CAPN7: variants seen among roughly 807,000 people sequenced by gnomAD.
CAPN7 encodes calpain-7.
CAPN7 carries 72 observed loss-of-function variants against 115.2 expected under a neutral mutation model. That is an observed-to-expected ratio of 0.63 (90% CI 0.52 to 0.76). The LOEUF is 0.76. Among genes scored for constraint, CAPN7 ranks in the 30% least tolerant of loss-of-function variants. CAPN7 has a pLI of 0.00. For synonymous variants in CAPN7, 344 were observed against 322.3 expected (o/e 1.07, Z -0.72); for missense variants, 905 against 971.5 (o/e 0.93, Z 0.91).
chr3:15,214,127 G>A lies in CAPN7; in HGVS notation c.211+1915G>A, dbSNP rs188736262. ...GATCTCCTGACCTCGTGATCCACCC[G>A]CCTCGGCCTCCCAAAGTGCTGGGAT... On this transcript the variant is annotated intron_variant, in intron 2 of 20. Coordinates refer to ENST00000253693, the MANE Select transcript of CAPN7 (RefSeq NM_014296.3). Among the ~76,000 whole-genome samples, 421 of 152,076 alleles carry A rather than the reference G, an allele frequency of 2.8e-3. 6 individuals are homozygous for A. The highest frequency in any genetic ancestry group is 9.6e-3 in the African/African-American group (399 of 41,514).
At chr3:15,228,894 C>CT in intron 7 of CAPN7, 80 bp from the exon 8 acceptor site, 1 of 1,027,838 alleles carries the variant, frequency 9.7e-7, no homozygotes. Context: ...AAAGTAGGTA[C>CT]TTGGGGCAAT....
chr3:15,224,349 T>C (rs1694181960), intron 6 of CAPN7, among the ~76,000 whole-genome samples: 2 of 151,854 alleles, frequency 1.3e-5, no homozygotes, highest in African/African-American at 4.8e-5. Flanking sequence ...CATGACTCAC[T>C]GCAGCCTTGA....
chr3:15,219,640 T>G (rs1044735942), intron 4 of CAPN7, among the ~76,000 whole-genome samples: 3 of 152,224 alleles, frequency 2.0e-5, no homozygotes, highest in African/African-American at 4.8e-5. Context: ...GAGGATCTTT[T>G]GAAACTTATG....
chr3:15,241,409 T>C, intron 14 of CAPN7, 44 bp from the exon 15 acceptor site: 1 of 1,586,772 alleles, frequency 6.3e-7, no homozygotes, highest in Non-Finnish European at 8.6e-7. Flanking sequence ...TTTAGCTCTA[T>C]GAGAAATTTA....
intron 6 of CAPN7, among the ~76,000 whole-genome samples, chr3:15,224,282 T>G (rs1459816089): frequency 2.6e-5 from 4 of 151,800 alleles, no homozygotes; most frequent in Non-Finnish European, 5.9e-5. Context: ...TTTTTTTTCT[T>G]TTTTTTTGAG....
chr3:15,217,246 T>TAA lies in CAPN7; in HGVS notation c.212-167_212-166dup, dbSNP rs557524108. Among the ~76,000 whole-genome samples the TAA allele has an allele frequency of 1.7e-3, 235 of 140,110 alleles. 1 individual carries two copies. Among genetic ancestry groups the TAA allele is most frequent in the African/African-American group, 5.4e-3 (206 of 37,910 alleles). 91.9% of individuals were successfully genotyped at this position (140,110 alleles called of 152,430 possible). A position where few individuals can be genotyped will look rare whatever the true frequency, so the allele number is the denominator to read the frequency against. ...CTGGGTAACAGAGCAAGAGCCTGTC[T>TAA]AAAAAAAAAAAAAGAAGGGAGGAAA... is the stretch of plus-strand genomic sequence containing the variant. On this transcript the variant is annotated intron_variant, in intron 2 of 20. Coordinates refer to ENST00000253693, the MANE Select transcript of CAPN7 (RefSeq NM_014296.3).
Position 15,206,341 on chromosome 3 carries a change from A to G in CAPN7, c.-155A>G. 1.8e-6 allele frequency: 1 copy of G among 564,356 alleles called. No homozygotes were observed. The highest frequency in any genetic ancestry group is 3.1e-6 in the Non-Finnish European group (1 of 325,402). 35.0% of individuals were successfully genotyped at this position (564,356 alleles called of 1,614,324 possible). A position where few individuals can be genotyped will look rare whatever the true frequency, so the allele number is the denominator to read the frequency against. On this transcript the variant is annotated 5_prime_UTR_variant, in exon 1 of 21. Coordinates refer to ENST00000253693, the MANE Select transcript of CAPN7 (RefSeq NM_014296.3). ...CTTCGCGGTGGACCCCAGCCCGGCA[A>G]CGGGAAGGCGAGCTCTCCTCCACCG...
At chr3:15,218,597 A>C (rs920270477) in intron 4 of CAPN7, 57 bp downstream of exon 4, 2 of 1,181,946 alleles carry the variant, frequency 1.7e-6, no homozygotes, top group Non-Finnish European at 2.5e-6. Flanking sequence ...TATTTAAACA[A>C]ATTTATCTAA....
At chr3:15,242,132 A>G (rs201844720) in intron 15 of CAPN7, 46 bp from the exon 16 acceptor site, 2 of 1,257,914 alleles carry the variant, frequency 1.6e-6, no homozygotes, top group Middle Eastern at 1.9e-4. Context: ...AATAAATAGC[A>G]TTTTGAACCC....
At chr3:15,241,702 A>AAACAC in intron 15 of CAPN7, 114 bp downstream of exon 15, 1 of 776,710 alleles carries the variant, frequency 1.3e-6, no homozygotes, top group Non-Finnish European at 2.0e-6. Flanking sequence ...TGCCCTGAGA[A>AAACAC]TAGTGTTTTC....
Position 15,240,535 on chromosome 3 carries a change from T to C in CAPN7, c.1470T>C (p.Ser490=). The part of the protein sequence containing the change: ...WSHLRWKGRY[S]ENDVKNWTPE... ...ATTTACGTTGGAAAGGAAGATACAG[T>C]GAAAATGATGTAAAAAACTGGACTC... Residue 490 remains serine (S), a synonymous_variant, in exon 13 of 21, where the codon AGT becomes AGC. Coordinates refer to ENST00000253693, the MANE Select transcript of CAPN7 (RefSeq NM_014296.3). 6.2e-7 allele frequency: 1 copy of C among 1,613,336 alleles called. No homozygotes were observed. Among genetic ancestry groups the C allele is most frequent in the African/African-American group, 1.3e-5 (1 of 74,992 alleles).
intron 2 of CAPN7, among the ~76,000 whole-genome samples, chr3:15,214,242 A>G (rs78160637): frequency 0.079 from 12,091 of 152,256 alleles, 621 homozygotes; most frequent in Non-Finnish European, 0.11. Context: ...CTTTTGTTGA[A>G]GAAATGGAGT....
chr3:15,223,830 T>G (rs1021590181), intron 6 of CAPN7, among the ~76,000 whole-genome samples: 16 of 152,160 alleles, frequency 1.1e-4, no homozygotes, highest in African/African-American at 3.9e-4. Context: ...TAAATATTTG[T>G]CCAAGCAGTG....
At chr3:15,227,789 G>A in intron 6 of CAPN7, 50 bp from the exon 7 acceptor site, 2 of 1,201,818 alleles carry the variant, frequency 1.7e-6, no homozygotes, top group Non-Finnish European at 2.2e-6. Context: ...TTGGCTTTGA[G>A]TCATCTTTTA....
chr3:15,210,742 A>C, intron 1 of CAPN7: 1 of 1,267,400 alleles, frequency 7.9e-7, no homozygotes, highest in Non-Finnish European at 1.0e-6. Flanking sequence ...ACTACTTTGT[A>C]GAGACAGGGT....
chr3:15,210,362 T>C (rs370603160), intron 1 of CAPN7, among the ~76,000 whole-genome samples: 72 of 152,160 alleles, frequency 4.7e-4, no homozygotes, highest in Admixed American at 4.2e-3. Flanking sequence ...TATATACTTA[T>C]ATAATTTACA....
rs761179847 is a variant in CAPN7, at chr3:15,221,007, A to G, written c.638+26A>G. 1.0e-5 allele frequency: 16 copies of G among 1,585,080 alleles called. No individual in the cohort carries two copies. The South Asian group carries it at 1.7e-4, about 17-fold the overall frequency. ...GTAAATAAGTTTACAATTAATTGTA[A>G]TGAAGAATTTTGTTAACATGAATGC... On this transcript the variant is annotated intron_variant, in intron 5 of 20. Coordinates refer to ENST00000253693, the MANE Select transcript of CAPN7 (RefSeq NM_014296.3).
In CAPN7 at chr3:15,241,516, C is replaced by A. The variant is rs764467135; in HGVS notation, c.1716C>A (p.Tyr572Ter). The change falls in exon 15 of 21, where the codon TAC becomes TAA. Residue 572 changes from tyrosine to a stop codon, truncating the protein, a stop_gained. Transcript: ENST00000253693. LOFTEE classifies it high-confidence loss of function. ...ATAGCCTGGCCAACAACCCCCAGTA[C>A]AAACTGGAGGTGCAGTGTCCACAGG... ...DAYSLANNPQ[Y>*]KLEVQCPQGG... The A allele has an allele frequency of 6.2e-7, 1 of 1,613,868 alleles. No homozygotes were observed. Among genetic ancestry groups the A allele is most frequent in the South Asian group, 1.1e-5 (1 of 91,088 alleles).
chr3:15,251,178 G>A lies in CAPN7; in HGVS notation c.2360G>A (p.Ser787Asn), dbSNP rs777731149. The A allele has an allele frequency of 6.2e-7, 1 of 1,608,550 alleles. No individual in the cohort carries two copies. The highest frequency in any genetic ancestry group is 1.1e-5 in the South Asian group (1 of 90,632). The change falls in exon 21 of 21, where the codon AGT (serine) becomes AAT (asparagine). Residue 787 changes from serine (S) to asparagine (N), a missense_variant. Physicochemically the swap from Ser to Asn is conservative, Grantham distance 46 (BLOSUM62 1). This residue lies in a region of CAPN7 where 620 missense variants were observed against 703.4 expected (regional missense o/e 0.88). Transcript: ENST00000253693. ...IPSGIFNIIPSTFLPKQEGPF... is the reference protein window; with the variant it reads ...IPSGIFNIIPNTFLPKQEGPF... Reference sequence around the variant, plus strand: ...TCTGGGATCTTCAATATCATTCCTAGTACCTTTTTGCCTAAACAAGAAGGA... The same window carrying A: ...TCTGGGATCTTCAATATCATTCCTAATACCTTTTTGCCTAAACAAGAAGGA...
Sources: allele counts gnomAD v4.1 joint callset (sites outside exome capture counted in the v4.1 genomes callset), GRCh38; gene constraint gnomAD v4.1.1; regional missense constraint gnomAD v4.1.1; transcripts MANE v1.5; gene names NCBI Gene and HGNC (gene_info 2026-07-23, HGNC 2026-07-21).